NF1: variants seen among roughly 807,000 people sequenced by gnomAD.
The protein encoded by NF1 is neurofibromin.
A neutral mutation model predicts 325.7 loss-of-function variants in NF1; 122 were observed. The observed-to-expected ratio is 0.37, with a 90% CI of 0.32 to 0.44. NF1 has a LOEUF of 0.44. NF1 is among the 20% of genes least tolerant of loss of function. The pLI is 1.00. For missense variants in NF1, 2,140 were observed against 3,415.4 expected (o/e 0.63, Z 9.31); for synonymous variants, 1,091 against 1,186.0 (o/e 0.92, Z 1.65).
At chr17:31,168,208 A>T (rs543166218) in intron 4 of NF1, among the ~76,000 whole-genome samples, 2 of 152,106 alleles carry the variant, frequency 1.3e-5, no homozygotes, top group Admixed American at 6.5e-5. Flanking sequence ...TGCATCTCTT[A>T]CTCTGCTTTA....
At chr17:31,318,884 C>T in intron 36 of NF1, 1 of 1,613,998 alleles carries the variant, frequency 6.2e-7, no homozygotes, top group Non-Finnish European at 8.5e-7. Context: ...ATAACTGAAT[C>T]CCAGGAAGAA....
At chr17:31,192,168 A>G (rs923381335) in intron 8 of NF1, among the ~76,000 whole-genome samples, 1 of 152,216 alleles carries the variant, frequency 6.6e-6, no homozygotes, top group Non-Finnish European at 1.5e-5. Context: ...AGAAATTTAT[A>G]TATGTGTCCA....
intron 47 of NF1, among the ~76,000 whole-genome samples, chr17:31,340,981 GC>G (rs2069808679): frequency 6.6e-6 from 1 of 151,868 alleles, no homozygotes; most frequent in Non-Finnish European, 1.5e-5. Flanking sequence ...TAGCTACCAT[GC>G]CAGGCCGTAT....
rs544069770 is a variant in NF1, at chr17:31,227,911, G to A, written c.2409+305G>A. Among the ~76,000 whole-genome samples the A allele has an allele frequency of 2.0e-5, 3 of 152,340 alleles. No individual in the cohort carries two copies. The South Asian group carries it at 6.2e-4, about 32-fold the overall frequency. On this transcript the variant is annotated intron_variant, in intron 20 of 57. Transcript: ENST00000358273. ...TACTTACTCTATTGGACAGCAGAGAGAGAAAATGTTCCTGTCATCACAGAA... is the reference window on the plus strand; with the variant it reads ...TACTTACTCTATTGGACAGCAGAGAAAGAAAATGTTCCTGTCATCACAGAA...
At position 31,206,210 on chromosome 17, in the gene NF1, T is replaced by G. The variant is rs1232901516; in HGVS notation, c.1261-30T>G. The G allele has an allele frequency of 6.2e-7, 1 of 1,612,996 alleles. No homozygotes were observed. The highest frequency in any genetic ancestry group is 1.7e-5 in the Admixed American group (1 of 60,018). ...TACAACTCACGTAATTTTGTACTTTTTCTTCCTATTGGTCTTTGTTTTTCT... is the reference window on the plus strand; with the variant it reads ...TACAACTCACGTAATTTTGTACTTTGTCTTCCTATTGGTCTTTGTTTTTCT... On this transcript the variant is annotated intron_variant, in intron 11 of 57. Coordinates refer to ENST00000358273, the MANE Select transcript of NF1 (RefSeq NM_001042492.3).
At chr17:31,243,214 T>TGTGTGTGTGTGTGTGTGTG (rs1369781933) in intron 29 of NF1, among the ~76,000 whole-genome samples, 2,556 of 70,480 alleles carry the variant, frequency 0.036, 73 homozygotes, top group African/African-American at 0.15. Flanking sequence ...GTGTGTGTGT[T>TGTGTGTGTGTGTGTGTGTG]GAGCTGCCTG....
At chr17:31,283,348 C>T (rs1465837258) in intron 36 of NF1, among the ~76,000 whole-genome samples, 3 of 151,534 alleles carry the variant, frequency 2.0e-5, no homozygotes, top group East Asian at 2.0e-4. Flanking sequence ...ACCTGGGAGG[C>T]GGAGCTTGCA....
chr17:31,096,507 A>G (rs1315105411), intron 1 of NF1, among the ~76,000 whole-genome samples: 1 of 152,144 alleles, frequency 6.6e-6, no homozygotes, highest in East Asian at 1.9e-4. Context: ...TGCTGTAGGT[A>G]GTTGGGGATG....
At chr17:31,341,394 T>C (rs935175097) in intron 47 of NF1, among the ~76,000 whole-genome samples, 36 of 152,062 alleles carry the variant, frequency 2.4e-4, no homozygotes, top group Non-Finnish European at 8.8e-5. Flanking sequence ...CATGGTGGCA[T>C]GCACCTACAA....
At chr17:31,227,686 C>A in intron 20 of NF1, 80 bp downstream of exon 20, 1 of 1,279,182 alleles carries the variant, frequency 7.8e-7, no homozygotes, top group Non-Finnish European at 1.1e-6. Context: ...TTTCAAGAGT[C>A]GCTCAGTAAA....
intron 50 of NF1, 141 bp downstream of exon 50, chr17:31,350,459 T>C (rs1364067007): frequency 2.9e-6 from 2 of 690,266 alleles, no homozygotes; most frequent in Non-Finnish European, 5.0e-6. Flanking sequence ...GTGAAACTCA[T>C]TTTATAAATG....
chr17:31,256,877 A>G (rs1049659206), intron 31 of NF1, among the ~76,000 whole-genome samples: 1 of 152,244 alleles, frequency 6.6e-6, no homozygotes, highest in Non-Finnish European at 1.5e-5. Context: ...GTAACTGAAG[A>G]TGGAACTATA....
chr17:31,311,878 A>T (rs899758778), intron 36 of NF1, among the ~76,000 whole-genome samples: 3 of 152,180 alleles, frequency 2.0e-5, no homozygotes, highest in African/African-American at 7.2e-5. Context: ...TGAAGGAAGG[A>T]GATGTGAGTT....
At chr17:31,373,960 A>G in intron 57 of NF1, 53 bp from the exon 58 acceptor site, 1 of 1,609,928 alleles carries the variant, frequency 6.2e-7, no homozygotes, top group Non-Finnish European at 8.5e-7. Context: ...CTGCAATGAA[A>G]TTCAGTCCTG....
chr17:31,299,296 TAAAAG>T (rs1276245483), intron 36 of NF1, among the ~76,000 whole-genome samples: 1 of 151,648 alleles, frequency 6.6e-6, no homozygotes, highest in East Asian at 1.9e-4. Flanking sequence ...AATAAATAAA[TAAAAG>T]AAATTCTCAT....
chr17:31,165,875 A>G (rs1408606857), intron 4 of NF1, among the ~76,000 whole-genome samples: 1 of 151,876 alleles, frequency 6.6e-6, no homozygotes, highest in Non-Finnish European at 1.5e-5. Flanking sequence ...ATTTTTTTGT[A>G]GAGACGGGGT....
rs1555536135 is a variant in NF1, at chr17:31,350,261, C to G, written c.7400C>G (p.Ser2467Ter). The G allele has an allele frequency of 6.2e-7, 1 of 1,613,526 alleles. No homozygotes were observed. ...HRKSLLLTDI[S>*]MENVPMDTYP... ...AAGTCACTTCTTCTTACTGATATTT[C>G]AATGGAAAATGTTCCTATGGATACA... is the stretch of plus-strand genomic sequence containing the variant. The change falls in exon 50 of 58, where the codon TCA (serine) becomes TGA (stop). Residue 2467 changes from serine (S) to a stop codon, truncating the protein, a stop_gained. Transcript: ENST00000358273. LOFTEE classifies it high-confidence loss of function.
At chr17:31,231,741 C>G (rs2067116150) in intron 24 of NF1, among the ~76,000 whole-genome samples, 1 of 151,752 alleles carries the variant, frequency 6.6e-6, no homozygotes. Flanking sequence ...TTTTTTCCCC[C>G]AAATATTTTC....
chr17:31,226,766 T>C (rs2151426403), intron 18 of NF1, 82 bp downstream of exon 18: 1 of 1,575,728 alleles, frequency 6.3e-7, no homozygotes, highest in South Asian at 1.1e-5. Context: ...TTAAGGTCAC[T>C]ACTTTGTAAG....
Sources: gnomAD v4.1 joint callset for allele counts (sites outside exome capture counted in the v4.1 genomes callset) on GRCh38, gnomAD v4.1.1 for gene constraint, MANE v1.5 for transcripts, NCBI Gene and HGNC (gene_info 2026-07-23, HGNC 2026-07-21) for gene names.